The following PTPRD variants were observed in gnomAD, a reference collection of about 807,000 sequenced individuals.
PTPRD encodes the protein receptor-type tyrosine-protein phosphatase delta.
Under a neutral mutation model 214.5 loss-of-function variants are expected in PTPRD, and 34 were observed. The observed-to-expected ratio is 0.16, with a 90% CI of 0.12 to 0.21. The LOEUF (loss-of-function observed/expected upper bound fraction) is 0.21. Among genes scored for constraint, PTPRD ranks in the 10% least tolerant of loss-of-function variants. The pLI, the probability that PTPRD is intolerant of heterozygous loss-of-function variation, is 1.00. For missense variants in PTPRD, 2,545 were observed against 2,398.7 expected (o/e 1.06, Z -1.27); for synonymous variants, 1,128 against 845.7 (o/e 1.33, Z -5.79).
chr9:9,286,189 A>T (rs1949298686), intron 9 of PTPRD, among the ~76,000 whole-genome samples: 1 of 151,820 alleles, frequency 6.6e-6, no homozygotes, highest in South Asian at 2.1e-4. Flanking sequence ...TACTTCAAAT[A>T]TGTGTAGTGA....
chr9:10,112,037 C>A (rs1401377353), intron 3 of PTPRD, among the ~76,000 whole-genome samples: 1 of 152,186 alleles, frequency 6.6e-6, no homozygotes, highest in Admixed American at 6.5e-5. Flanking sequence ...TGGTTTAAAT[C>A]AATTGTGAAT....
intron 33 of PTPRD, among the ~76,000 whole-genome samples, chr9:8,452,608 A>G (rs2096004622): frequency 6.6e-6 from 1 of 152,156 alleles, no homozygotes; most frequent in Non-Finnish European, 1.5e-5. Flanking sequence ...TTTTTCTATT[A>G]AGATTATAAA....
At chr9:8,859,808 G>GC (rs1331684405) in intron 11 of PTPRD, 3 of 151,394 alleles carry the variant, frequency 2.0e-5, no homozygotes, top group Non-Finnish European at 2.9e-5. Context: ...GCAATTTGGG[G>GC]GTGGGGGAGG....
In PTPRD at chr9:9,040,639, A is replaced by G. The variant is rs542669619; in HGVS notation, c.-142-21904T>C. On this transcript the variant is annotated intron_variant, in intron 10 of 45. Coordinates refer to ENST00000381196, the MANE Select transcript of PTPRD (RefSeq NM_002839.4). ...GATTTAAATGTTGTACTTTGAAATC[A>G]TTGTAGCAAGAACATATTTTAGAAT... 2.3e-4 allele frequency among the ~76,000 whole-genome samples: 35 copies of G among 152,280 alleles called. 1 individual carries two copies. The South Asian group carries it at 6.6e-3, about 29-fold the overall frequency.
intron 8 of PTPRD, among the ~76,000 whole-genome samples, chr9:9,472,980 C>G (rs758578947): frequency 6.6e-6 from 1 of 152,120 alleles, no homozygotes; most frequent in East Asian, 1.9e-4. Flanking sequence ...GTTGTTAACA[C>G]TTAAAATCCT....
chr9:9,426,135 G>C (rs1011265573), intron 8 of PTPRD, among the ~76,000 whole-genome samples: 11 of 152,170 alleles, frequency 7.2e-5, no homozygotes, highest in Non-Finnish European at 1.6e-4. Context: ...AAGCACAAGG[G>C]GTTGGGGAAT....
intron 8 of PTPRD, among the ~76,000 whole-genome samples, chr9:9,479,981 A>G (rs996842730): frequency 3.3e-5 from 5 of 152,190 alleles, no homozygotes; most frequent in Non-Finnish European, 5.9e-5. Flanking sequence ...GGACTGCTAC[A>G]TACTTAATTT....
intron 5 of PTPRD, among the ~76,000 whole-genome samples, chr9:9,822,763 A>C (rs2051236351): frequency 6.6e-6 from 1 of 152,008 alleles, no homozygotes; most frequent in African/African-American, 2.4e-5. Context: ...CAAAATATGC[A>C]ATTTTTTGAG....
intron 2 of PTPRD, among the ~76,000 whole-genome samples, chr9:10,577,901 G>C (rs2070034975): frequency 7.1e-6 from 1 of 140,170 alleles, no homozygotes. Flanking sequence ...TTCCAAATCA[G>C]TACAAGTTAT....
chr9:9,020,266 C>T (rs555592899), intron 10 of PTPRD, among the ~76,000 whole-genome samples: 3 of 152,228 alleles, frequency 2.0e-5, no homozygotes, highest in African/African-American at 7.2e-5. Context: ...TAATGTAGAG[C>T]ATGAAATGCA....
chr9:9,190,618 C>T (rs764620482), intron 9 of PTPRD, among the ~76,000 whole-genome samples: 3 of 151,996 alleles, frequency 2.0e-5, no homozygotes, highest in Non-Finnish European at 2.9e-5. Context: ...GATGACATAG[C>T]ACAAAAGCCC....
chr9:9,349,358 C>T (rs567580730), intron 9 of PTPRD, among the ~76,000 whole-genome samples: 18 of 152,170 alleles, frequency 1.2e-4, no homozygotes, highest in African/African-American at 3.9e-4. Flanking sequence ...CCTCCAACCC[C>T]CATCTTGCAC....
At chr9:8,844,718 C>A (rs2097650774) in intron 11 of PTPRD, among the ~76,000 whole-genome samples, 1 of 152,104 alleles carries the variant, frequency 6.6e-6, no homozygotes, top group African/African-American at 2.4e-5. Flanking sequence ...TAGCCAAATC[C>A]CAAGCTAAGA....
At chr9:8,870,212 A>G (rs914231012) in intron 11 of PTPRD, among the ~76,000 whole-genome samples, 1 of 152,096 alleles carries the variant, frequency 6.6e-6, no homozygotes, top group Admixed American at 6.6e-5. Context: ...GAACAGCATA[A>G]TAGCTACTTT....
intron 10 of PTPRD, among the ~76,000 whole-genome samples, chr9:9,101,416 G>A (rs1035474934): frequency 6.6e-6 from 1 of 152,144 alleles, no homozygotes; most frequent in East Asian, 1.9e-4. Flanking sequence ...CACCTGTACA[G>A]ATACGATTAG....
chr9:9,507,531 C>T (rs141523209), intron 8 of PTPRD, among the ~76,000 whole-genome samples: 3 of 150,936 alleles, frequency 2.0e-5, no homozygotes, highest in African/African-American at 7.3e-5. Flanking sequence ...GATTTTCTAC[C>T]CATGGAAAGG....
At chr9:8,597,000 T>C (rs2094511001) in intron 14 of PTPRD, among the ~76,000 whole-genome samples, 1 of 152,108 alleles carries the variant, frequency 6.6e-6, no homozygotes, top group Non-Finnish European at 1.5e-5. Context: ...CTTGCAGAGA[T>C]TTATGGCTTC....
At chr9:8,601,780 C>G (rs1173797129) in intron 14 of PTPRD, among the ~76,000 whole-genome samples, 2 of 152,094 alleles carry the variant, frequency 1.3e-5, no homozygotes, top group East Asian at 1.9e-4. Context: ...TTCAAATGAT[C>G]AAAAGCACAT....
At chr9:9,808,064 G>T (rs1392273493) in intron 5 of PTPRD, among the ~76,000 whole-genome samples, 2 of 152,130 alleles carry the variant, frequency 1.3e-5, no homozygotes, top group East Asian at 3.9e-4. Context: ...CAACTATCCA[G>T]CTTGAGAATA....
Sources: allele counts gnomAD v4.1 joint callset (sites outside exome capture counted in the v4.1 genomes callset), GRCh38; gene constraint gnomAD v4.1.1; transcripts MANE v1.5; gene names NCBI Gene and HGNC (gene_info 2026-07-23, HGNC 2026-07-21).